SNUPN: variants seen among roughly 807,000 people sequenced by gnomAD.
SNUPN encodes the protein snurportin-1.
SNUPN carries 31 observed loss-of-function variants against 39.2 expected under a neutral mutation model. That is an observed-to-expected ratio of 0.79 (90% CI 0.59 to 1.07). SNUPN has a LOEUF of 1.07. Among genes scored for constraint, SNUPN ranks in the 50% least tolerant of loss-of-function variants. The pLI is 0.00. For synonymous variants in SNUPN, 132 were observed against 159.0 expected (o/e 0.83, Z 1.28); for missense variants, 382 against 434.2 (o/e 0.88, Z 1.07).
intron 2 of SNUPN, among the ~76,000 whole-genome samples, chr15:75,618,030 C>T (rs1252473996): frequency 6.6e-6 from 1 of 152,166 alleles, no homozygotes; most frequent in Non-Finnish European, 1.5e-5. Flanking sequence ...TGACCGCCCC[C>T]TCAAAATCCT....
intron 3 of SNUPN, among the ~76,000 whole-genome samples, chr15:75,613,642 C>CAAAAAAAAAAAA (rs58623437): frequency 7.8e-6 from 1 of 128,544 alleles, no homozygotes; most frequent in Admixed American, 8.3e-5. Context: ...GACTCCAACT[C>CAAAAAAAAAAAA]AAAAAAAAAA....
rs182028316 is a variant in SNUPN, at chr15:75,607,119, C to T, written c.600+97G>A. ...TTGATATACCACATCCTGTGCACACCAAGAAGTTGGTCACATACCAAACCC... is the reference window on the plus strand; with the variant it reads ...TTGATATACCACATCCTGTGCACACTAAGAAGTTGGTCACATACCAAACCC... On this transcript the variant is annotated intron_variant, in intron 6 of 8. Transcript: ENST00000308588. The T allele has an allele frequency of 7.9e-3, 6,446 of 815,930 alleles. 59 individuals carry two copies. The highest frequency in any genetic ancestry group is 9.0e-3 in the Non-Finnish European group (4,103 of 454,762). The allele number at this position is 815,930 out of a possible 1,614,324, so 50.5% of individuals were successfully genotyped here.
At chr15:75,610,549 C>T (rs1280703632) in intron 3 of SNUPN, among the ~76,000 whole-genome samples, 2 of 152,066 alleles carry the variant, frequency 1.3e-5, no homozygotes, top group African/African-American at 4.8e-5. Flanking sequence ...TCCTCCATCT[C>T]CACCTGCAAC....
intron 1 of SNUPN, among the ~76,000 whole-genome samples, chr15:75,623,103 T>C (rs180904975): frequency 6.6e-6 from 1 of 152,340 alleles, no homozygotes; most frequent in African/African-American, 2.4e-5. Flanking sequence ...AGAACTCCTT[T>C]TATCTTGAAT....
At position 75,598,187 on chromosome 15, in the gene SNUPN, C is replaced by CGCAAT; in HGVS notation, c.*170_*171insATTGC. ...GAATGCTACGCAATCTGGGAACCTC[C>CGCAAT]CCATAACTGTTTGAGCCAGCATTTC... On this transcript the variant is annotated 3_prime_UTR_variant, in exon 9 of 9. Coordinates refer to ENST00000308588, the MANE Select transcript of SNUPN (RefSeq NM_005701.4). 1.7e-6 allele frequency: 1 copy of CGCAAT among 598,146 alleles called. No homozygotes were observed. The highest frequency in any genetic ancestry group is 1.8e-5 in the African/African-American group (1 of 54,058). 37.1% of individuals were successfully genotyped at this position (598,146 alleles called of 1,614,324 possible).
At chr15:75,623,838 T>G (rs758953303) in intron 1 of SNUPN, among the ~76,000 whole-genome samples, 1 of 152,160 alleles carries the variant, frequency 6.6e-6, no homozygotes, top group Non-Finnish European at 1.5e-5. Context: ...CCATATGGTA[T>G]GTTATTCAAA....
chr15:75,603,419 T>C (rs2075306275), intron 7 of SNUPN, among the ~76,000 whole-genome samples: 2 of 148,096 alleles, frequency 1.4e-5, no homozygotes, highest in Admixed American at 6.7e-5. Context: ...CCCAGCACTT[T>C]GGGAGGCTGA....
chr15:75,620,674 A>C lies in SNUPN; in HGVS notation c.158+220T>G, dbSNP rs79624946. On this transcript the variant is annotated intron_variant, in intron 2 of 8. Transcript: ENST00000308588. ...ACCAAATAATTGAGCTTTTGGTTTCAAACTTCGGTGTCTCCCTAATTCCTC... is the reference window on the plus strand; with the variant it reads ...ACCAAATAATTGAGCTTTTGGTTTCCAACTTCGGTGTCTCCCTAATTCCTC... 8.4e-3 allele frequency among the ~76,000 whole-genome samples: 1,277 copies of C among 152,292 alleles called. 20 individuals are homozygous for C. Among genetic ancestry groups the C allele is most frequent in the African/African-American group, 0.028 (1,177 of 41,542 alleles).
At position 75,604,198 on chromosome 15, in the gene SNUPN, T is replaced by C. The variant is rs1366777601; in HGVS notation, c.678+952A>G. Among the ~76,000 whole-genome samples, 4 of 148,846 alleles carry C rather than the reference T, an allele frequency of 2.7e-5. No homozygotes were observed. In the Admixed American group the frequency reaches 2.7e-4, roughly 10 times the overall value. On this transcript the variant is annotated intron_variant, in intron 7 of 8. Coordinates refer to ENST00000308588, the MANE Select transcript of SNUPN (RefSeq NM_005701.4). The stretch of plus-strand genomic sequence containing the variant: ...TTTTTTGTGACAGAGTCTCGCTCTG[T>C]TGCCCAGGCTGGAGTACAGTGGCAC...
At chr15:75,602,525 C>CAAA (rs530791161) in intron 7 of SNUPN, among the ~76,000 whole-genome samples, 21,543 of 120,768 alleles carry the variant, frequency 0.18, 2,289 homozygotes, top group Non-Finnish European at 0.27. Context: ...GACTCGGTCT[C>CAAA]AAAAAAAAAA....
At chr15:75,620,755 T>G in intron 2 of SNUPN, 139 bp downstream of exon 2, 1 of 755,774 alleles carries the variant, frequency 1.3e-6, no homozygotes, top group Non-Finnish European at 2.2e-6. Flanking sequence ...GATTTACCCC[T>G]CCCAACCTGT....
At chr15:75,602,259 G>A (rs1044322929) in intron 7 of SNUPN, among the ~76,000 whole-genome samples, 2 of 151,984 alleles carry the variant, frequency 1.3e-5, no homozygotes, top group African/African-American at 4.8e-5. Flanking sequence ...CAGGTGTGGT[G>A]GCTCACGCCT....
intron 6 of SNUPN, among the ~76,000 whole-genome samples, chr15:75,606,053 G>T (rs2075328835): frequency 6.6e-6 from 1 of 152,202 alleles, no homozygotes; most frequent in Non-Finnish European, 1.5e-5. Context: ...GCGGAGGCAG[G>T]AGAAGTGCTT....
chr15:75,623,010 C>G (rs1039400943), intron 1 of SNUPN, among the ~76,000 whole-genome samples: 2 of 152,158 alleles, frequency 1.3e-5, no homozygotes, highest in African/African-American at 4.8e-5. Flanking sequence ...ATACACATAT[C>G]ATGAAATTCA....
At chr15:75,603,134 G>C (rs145691219) in intron 7 of SNUPN, among the ~76,000 whole-genome samples, 250 of 150,476 alleles carry the variant, frequency 1.7e-3, no homozygotes, top group African/African-American at 5.8e-3. Context: ...CTGCAAGCTC[G>C]GCCTCCTGGG....
chr15:75,601,182 G>C lies in SNUPN; in HGVS notation c.715C>G (p.Pro239Ala), dbSNP rs370320624. ...GATAGCACATCACACAGGCTTTCGG[G>C]AGTGCAAGGGAAGTTCTTTAGCCCC... ...FVGLKNFPCT[P>A]ESLCDVLSMD... Residue 239 changes from proline (P) to alanine (A), a missense_variant, in exon 8 of 9, where the codon CCC (proline) becomes GCC (alanine). By Grantham distance (27) the Pro-to-Ala change is conservative (BLOSUM62 -1). Coordinates refer to ENST00000308588, the MANE Select transcript of SNUPN (RefSeq NM_005701.4). 10 of 1,613,656 alleles carry C rather than the reference G, an allele frequency of 6.2e-6. No individual in the cohort carries two copies. Among genetic ancestry groups the C allele is most frequent in the Non-Finnish European group, 7.6e-6 (9 of 1,179,732 alleles).
rs568167720 is a variant in SNUPN at position 75,603,705 on chromosome 15, C to T, written c.678+1445G>A. On this transcript the variant is annotated intron_variant, in intron 7 of 8. Transcript: ENST00000308588. ...AAGCTCTCCAGCTGATTTTAACATACAGTCAGGAGTGGGAACCACTGTATT... is the reference window on the plus strand; with the variant it reads ...AAGCTCTCCAGCTGATTTTAACATATAGTCAGGAGTGGGAACCACTGTATT... 4.9e-4 allele frequency among the ~76,000 whole-genome samples: 71 copies of T among 145,474 alleles called. No individual in the cohort carries two copies. The South Asian group carries it at 0.016, about 33-fold the overall frequency.
rs576227189 is a variant in SNUPN at position 75,606,368 on chromosome 15, G to C, written c.600+848C>G. Among the ~76,000 whole-genome samples the C allele has an allele frequency of 3.0e-4, 45 of 152,174 alleles. 1 individual carries two copies. The South Asian group carries it at 6.7e-3, about 22-fold the overall frequency. ...AGCCTATGGTGACAGCCTGCATGAA[G>C]ATCACTGGAGGCCTGTTCACACATC... On this transcript the variant is annotated intron_variant, in intron 6 of 8. Coordinates refer to ENST00000308588, the MANE Select transcript of SNUPN (RefSeq NM_005701.4).
Position 75,600,956 on chromosome 15 carries a change from A to T in SNUPN, c.759+182T>A, listed in dbSNP as rs960329469. 13 of 551,858 alleles carry T rather than the reference A, an allele frequency of 2.4e-5. No homozygotes were observed. In the African/African-American group the frequency reaches 2.5e-4, roughly 10 times the overall value. 34.2% of individuals were successfully genotyped at this position (551,858 alleles called of 1,614,324 possible). On this transcript the variant is annotated intron_variant, in intron 8 of 8. Transcript: ENST00000308588. ...CCTTCCAGTGCCAGCATTCTGACTT[A>T]TCCAGCATGGGTGGAGCTCAGGCTC...
Sources: allele counts gnomAD v4.1 joint callset (sites outside exome capture counted in the v4.1 genomes callset), GRCh38; gene constraint gnomAD v4.1.1; transcripts MANE v1.5; gene names NCBI Gene and HGNC (gene_info 2026-07-23, HGNC 2026-07-21).